Variants in PRKCH observed in about 807,000 individuals in gnomAD.
The protein encoded by PRKCH is protein kinase C eta.
A neutral mutation model predicts 82.5 loss-of-function variants in PRKCH; 28 were observed. That is an observed-to-expected ratio of 0.34 (90% CI 0.25 to 0.47). The LOEUF (loss-of-function observed/expected upper bound fraction) is 0.47. PRKCH is among the 20% of genes least tolerant of loss of function. The pLI, the probability that PRKCH is intolerant of heterozygous loss-of-function variation, is 1.00. For synonymous variants in PRKCH, 322 were observed against 327.4 expected (o/e 0.98, Z 0.18); for missense variants, 705 against 881.8 (o/e 0.80, Z 2.54).
At chr14:61,398,879 G>A (rs1252224879) in intron 2 of PRKCH, among the ~76,000 whole-genome samples, 1 of 152,070 alleles carries the variant, frequency 6.6e-6, no homozygotes, top group Non-Finnish European at 1.5e-5. Context: ...GCAATATATG[G>A]GCCACATTTT....
At chr14:61,413,079 T>G (rs1388660562) in intron 2 of PRKCH, among the ~76,000 whole-genome samples, 2 of 152,176 alleles carry the variant, frequency 1.3e-5, no homozygotes, top group Admixed American at 6.5e-5. Flanking sequence ...CATAGTATCC[T>G]CAGCTACCAT....
At chr14:61,468,932 C>A (rs1885380189) in intron 9 of PRKCH, among the ~76,000 whole-genome samples, 1 of 152,120 alleles carries the variant, frequency 6.6e-6, no homozygotes, top group Admixed American at 6.5e-5. Context: ...TTAAAGCCTG[C>A]CAAGTTATAG....
At chr14:61,203,345 A>G (rs909593437) in intron 1 of PRKCH, among the ~76,000 whole-genome samples, 6 of 152,150 alleles carry the variant, frequency 3.9e-5, no homozygotes, top group Non-Finnish European at 7.4e-5. Context: ...TTAGGTCCCC[A>G]GTGGTCTGCG....
intron 9 of PRKCH, among the ~76,000 whole-genome samples, chr14:61,464,856 A>C (rs1014262555): frequency 2.0e-5 from 3 of 152,204 alleles, no homozygotes; most frequent in Non-Finnish European, 4.4e-5. Context: ...ATACATGTGC[A>C]TGTGTCTTTA....
At position 61,529,217 on chromosome 14, in the gene PRKCH, A is replaced by G; in HGVS notation, c.1572+4A>G. On this transcript the variant is annotated splice_donor_region_variant and intron_variant, in intron 11 of 13. Coordinates refer to ENST00000332981, the MANE Select transcript of PRKCH (RefSeq NM_006255.5). The stretch of plus-strand genomic sequence containing the variant: ...GCCAGACTATATCGCTCCAGAGGTG[A>G]GTGCAGCTGCTTGATGCAGCTCTGA... 2.5e-6 allele frequency: 4 copies of G among 1,605,356 alleles called. No individual in the cohort carries two copies. The South Asian group carries it at 3.3e-5, about 13-fold the overall frequency.
chr14:61,410,899 G>A lies in PRKCH; in HGVS notation c.427+19611G>A, dbSNP rs1210232338. Reference sequence around the variant, plus strand: ...AACCGTGCGAATGGCTGTGTTGCCTGGGCTCATGAAGCCTGTCAGGAAGAG... The same window carrying A: ...AACCGTGCGAATGGCTGTGTTGCCTAGGCTCATGAAGCCTGTCAGGAAGAG... On this transcript the variant is annotated intron_variant, in intron 2 of 13. Transcript: ENST00000332981. 6.6e-5 allele frequency among the ~76,000 whole-genome samples: 10 copies of A among 152,174 alleles called. 1 individual carries two copies. The highest frequency in any genetic ancestry group is 3.9e-4 in the Admixed American group (6 of 15,282).
intron 10 of PRKCH, among the ~76,000 whole-genome samples, chr14:61,493,974 G>A (rs899213132): frequency 2.0e-5 from 3 of 152,084 alleles, no homozygotes; most frequent in African/African-American, 7.3e-5. Context: ...AGAAGGTTGA[G>A]TGGATGGCAG....
At chr14:61,453,096 G>A (rs1212947332) in intron 6 of PRKCH, 130 bp from the exon 7 acceptor site, 7 of 1,170,130 alleles carry the variant, frequency 6.0e-6, no homozygotes, top group Non-Finnish European at 8.6e-6. Flanking sequence ...TTAATTTTAT[G>A]AGAAAATGAT....
chr14:61,231,870 C>T (rs1299377607), intron 1 of PRKCH, among the ~76,000 whole-genome samples: 2 of 152,172 alleles, frequency 1.3e-5, no homozygotes, highest in Admixed American at 6.5e-5. Context: ...GCTATACTCT[C>T]ACCACACAGT....
intron 1 of PRKCH, among the ~76,000 whole-genome samples, chr14:61,234,822 C>A (rs966035944): frequency 2.0e-5 from 3 of 152,228 alleles, no homozygotes; most frequent in African/African-American, 7.2e-5. Flanking sequence ...CCCCTCAGGG[C>A]CATCAGCATC....
intron 1 of PRKCH, among the ~76,000 whole-genome samples, chr14:61,366,485 T>C (rs17098281): frequency 0.017 from 2,578 of 152,148 alleles, 93 homozygotes; most frequent in South Asian, 0.065. Flanking sequence ...AAGGAAAATA[T>C]TTTGTCACGT....
intron 12 of PRKCH, among the ~76,000 whole-genome samples, chr14:61,536,774 G>A (rs1378516175): frequency 6.6e-6 from 1 of 152,060 alleles, no homozygotes; most frequent in East Asian, 1.9e-4. Flanking sequence ...TGTGTGACTG[G>A]CAAGGCAGGC....
At chr14:61,452,191 T>G (rs1298690726) in intron 6 of PRKCH, among the ~76,000 whole-genome samples, 1 of 152,190 alleles carries the variant, frequency 6.6e-6, no homozygotes, top group Non-Finnish European at 1.5e-5. Flanking sequence ...TTGAAAGGCT[T>G]CTGTAGGCTC....
intron 1 of PRKCH, among the ~76,000 whole-genome samples, chr14:61,336,524 G>A (rs927350589): frequency 5.9e-5 from 9 of 152,194 alleles, no homozygotes; most frequent in Admixed American, 3.9e-4. Context: ...ACAGCAGAGG[G>A]TCTGAGTTAG....
Position 61,349,702 on chromosome 14 carries a change from A to G in PRKCH, c.363+27238A>G, listed in dbSNP as rs553858197. ...ATGGTGAAACCCTGTCTCTACTAAA[A>G]ATACAAAAATTAGCCGGGCATGGAA... On this transcript the variant is annotated intron_variant, in intron 1 of 13. Coordinates refer to ENST00000332981, the MANE Select transcript of PRKCH (RefSeq NM_006255.5). 1.3e-3 allele frequency among the ~76,000 whole-genome samples: 200 copies of G among 152,212 alleles called. 2 individuals are homozygous for G. Among genetic ancestry groups the G allele is most frequent in the Middle Eastern group, 6.8e-3 (2 of 294 alleles).
Position 61,280,608 on chromosome 14 carries a change from G to C in PRKCH, c.-19+92940G>C, listed in dbSNP as rs1285042723. ...CCTCGACGTAGGGCCCGCCGGGCTG[G>C]CGCTGGTGCCAAAGCGAGAAGGAGT... On this transcript the variant is annotated intron_variant, in intron 1 of 3. Transcript: ENST00000555185. The surrounding 1 kb of genome is among the most constrained non-coding windows in gnomAD (Gnocchi z 5.0). 6.3e-7 allele frequency: 1 copy of C among 1,585,660 alleles called. No homozygotes were observed. Among genetic ancestry groups the C allele is most frequent in the Middle Eastern group, 1.7e-4 (1 of 6,048 alleles).
rs778915401 is a variant in PRKCH, at chr14:61,443,266, G to C, written c.578+5G>C. ...TCACTGCAGGGAGTTTATCTGGTAA[G>C]GGGTTCCCTTACTTCTGTCCTCCTC... On this transcript the variant is annotated splice_donor_5th_base_variant and intron_variant, in intron 3 of 13. Transcript: ENST00000332981. 1.2e-6 allele frequency: 2 copies of C among 1,612,912 alleles called. No homozygotes were observed. The highest frequency in any genetic ancestry group is 1.7e-6 in the Non-Finnish European group (2 of 1,179,400).
intron 1 of PRKCH, among the ~76,000 whole-genome samples, chr14:61,258,327 G>T (rs1449054034): frequency 6.6e-6 from 1 of 152,062 alleles, no homozygotes; most frequent in African/African-American, 2.4e-5. Context: ...AAGTTTCCAG[G>T]ATCTATGAAA....
At chr14:61,301,926 T>C (rs1456283296) in intron 1 of PRKCH, among the ~76,000 whole-genome samples, 2 of 152,238 alleles carry the variant, frequency 1.3e-5, no homozygotes, top group African/African-American at 4.8e-5. Flanking sequence ...GTTTATGATA[T>C]AGAATTTTTT....
Sources: allele counts gnomAD v4.1 joint callset (sites outside exome capture counted in the v4.1 genomes callset), GRCh38; gene constraint gnomAD v4.1.1; non-coding constraint Gnocchi (gnomAD v3.1); transcripts MANE v1.5; gene names NCBI Gene and HGNC (gene_info 2026-07-23, HGNC 2026-07-21).